Variants in SNX29 observed in about 807,000 individuals in gnomAD.
The protein encoded by SNX29 is sorting nexin-29.
Under a neutral mutation model 102.1 loss-of-function variants are expected in SNX29, and 78 were observed. The ratio of observed to expected loss-of-function variants is 0.76; its 90% CI spans 0.64 to 0.92. The LOEUF is 0.92. Ranked by LOEUF, SNX29 falls within the 40% of genes least tolerant of loss-of-function variation. The pLI is 0.00. For synonymous variants in SNX29, 580 were observed against 414.5 expected (o/e 1.40, Z -4.85); for missense variants, 1,280 against 1,061.7 (o/e 1.21, Z -2.86).
At chr16:12,333,168 C>T (rs983730835) in intron 15 of SNX29, among the ~76,000 whole-genome samples, 6 of 138,398 alleles carry the variant, frequency 4.3e-5, no homozygotes, top group Non-Finnish European at 7.5e-5. Flanking sequence ...TGCAGTGGTG[C>T]GATCTTGGCT....
intron 15 of SNX29, among the ~76,000 whole-genome samples, chr16:12,355,469 G>A (rs568252648): frequency 6.6e-5 from 10 of 152,310 alleles, no homozygotes; most frequent in African/African-American, 2.4e-4. Context: ...AGGTTAGGGA[G>A]CTAGGGGTCT....
chr16:11,983,087 C>T (rs540866982), intron 1 of SNX29, among the ~76,000 whole-genome samples: 118 of 152,056 alleles, frequency 7.8e-4, no homozygotes, highest in Non-Finnish European at 6.9e-4. Context: ...TGCACCACCA[C>T]GCCTGGCTAA....
chr16:12,271,050 TCAATAAATA>T (rs2079078406), intron 14 of SNX29, among the ~76,000 whole-genome samples: 1 of 151,984 alleles, frequency 6.6e-6, no homozygotes. Context: ...AAAAAATCAA[TCAATAAATA>T]AAGTGGTCTC....
At chr16:12,141,053 T>C (rs1464706625) in intron 13 of SNX29, among the ~76,000 whole-genome samples, 1 of 152,228 alleles carries the variant, frequency 6.6e-6, no homozygotes, top group Non-Finnish European at 1.5e-5. Context: ...TGACGCTAAG[T>C]GCTTGCACCT....
At chr16:12,200,902 T>C (rs544359791) in intron 14 of SNX29, among the ~76,000 whole-genome samples, 3 of 152,310 alleles carry the variant, frequency 2.0e-5, no homozygotes, top group Non-Finnish European at 4.4e-5. Context: ...CATGAGAGCA[T>C]TGTGAGGATT....
In SNX29 at chr16:12,052,133, C is replaced by G; in HGVS notation, c.1035C>G (p.Ile345Met). 1.2e-6 allele frequency: 2 copies of G among 1,613,720 alleles called. 1 individual carries two copies. Among genetic ancestry groups the G allele is most frequent in the South Asian group, 2.2e-5 (2 of 91,050 alleles). Reference sequence around the variant, plus strand: ...ACCAGAAGCTTGATGTGAAAAGCATCGATGATGAAGATGTGGATGAAAACG... The same window carrying G: ...ACCAGAAGCTTGATGTGAAAAGCATGGATGATGAAGATGTGGATGAAAACG... ...FGYQKLDVKSIDDEDVDENED... is the reference protein window; with the variant it reads ...FGYQKLDVKSMDDEDVDENED... The change falls in exon 8 of 21, where the codon ATC becomes ATG. Residue 345 changes from isoleucine to methionine, a missense_variant. Coordinates refer to ENST00000566228, the MANE Select transcript of SNX29 (RefSeq NM_032167.5).
At chr16:12,236,062 C>T (rs1164245664) in intron 14 of SNX29, among the ~76,000 whole-genome samples, 1 of 152,154 alleles carries the variant, frequency 6.6e-6, no homozygotes, top group Non-Finnish European at 1.5e-5. Context: ...ATATATGCTG[C>T]TCCTGGTTGC....
At chr16:12,296,427 AT>A in intron 15 of SNX29, among the ~76,000 whole-genome samples, 1 of 152,332 alleles carries the variant, frequency 6.6e-6, no homozygotes, top group East Asian at 1.9e-4. Flanking sequence ...AATTATAACA[AT>A]TTGTTTTTGG....
chr16:12,061,480 G>A lies in SNX29; in HGVS notation c.1125-48G>A, dbSNP rs150356674. 8.1e-6 allele frequency: 12 copies of A among 1,482,986 alleles called. No individual in the cohort carries two copies. In the African/African-American group the frequency reaches 9.7e-5, roughly 12 times the overall value. 91.9% of individuals were successfully genotyped at this position (1,482,986 alleles called of 1,614,324 possible). A position where few individuals can be genotyped will look rare whatever the true frequency, so the allele number is the denominator to read the frequency against. On this transcript the variant is annotated intron_variant, in intron 8 of 20. Coordinates refer to ENST00000566228, the MANE Select transcript of SNX29 (RefSeq NM_032167.5). Reference sequence around the variant, plus strand: ...TGGATGCTTGTTGGTGAGTCATGCGGCCTGTGGGCTCTTTGGCCTGTCCTG... The same window carrying A: ...TGGATGCTTGTTGGTGAGTCATGCGACCTGTGGGCTCTTTGGCCTGTCCTG...
intron 15 of SNX29, among the ~76,000 whole-genome samples, chr16:12,337,405 G>T (rs1030704293): frequency 2.0e-5 from 3 of 152,060 alleles, no homozygotes; most frequent in Admixed American, 6.6e-5. Flanking sequence ...GCAGTGGTGC[G>T]ATCTCGGTTC....
At chr16:12,010,238 G>T (rs953365392) in intron 3 of SNX29, among the ~76,000 whole-genome samples, 2 of 152,164 alleles carry the variant, frequency 1.3e-5, no homozygotes, top group Non-Finnish European at 2.9e-5. Flanking sequence ...TTTGACACTT[G>T]GTAGACATTT....
At chr16:12,363,175 C>T (rs1164919546) in intron 16 of SNX29, among the ~76,000 whole-genome samples, 1 of 152,214 alleles carries the variant, frequency 6.6e-6, no homozygotes, top group Non-Finnish European at 1.5e-5. Flanking sequence ...TGGACCGGGT[C>T]CCCAGGGGAT....
chr16:12,381,266 T>C (rs1597162612), intron 16 of SNX29, among the ~76,000 whole-genome samples: 1 of 71,458 alleles, frequency 1.4e-5, no homozygotes, highest in Admixed American at 1.7e-4. Flanking sequence ...CCACCATCCA[T>C]CCACGCATCT....
intron 13 of SNX29, among the ~76,000 whole-genome samples, chr16:12,144,599 C>T (rs1015534865): frequency 3.9e-5 from 6 of 152,234 alleles, no homozygotes; most frequent in Non-Finnish European, 8.8e-5. Flanking sequence ...CAGACGCCAG[C>T]CCCTTGATCG....
Position 12,338,851 on chromosome 16 carries a change from T to C in SNX29, c.1783-17312T>C, listed in dbSNP as rs541024196. Among the ~76,000 whole-genome samples the C allele has an allele frequency of 3.3e-5, 5 of 152,332 alleles. No individual in the cohort carries two copies. The East Asian group carries it at 9.7e-4, about 29-fold the overall frequency. On this transcript the variant is annotated intron_variant, in intron 15 of 20. Coordinates refer to ENST00000566228, the MANE Select transcript of SNX29 (RefSeq NM_032167.5). ...GGAATATTTATTGATTGAAAGAGGT[T>C]GAAAGAAACATGTTTAACAACATAT...
intron 19 of SNX29, among the ~76,000 whole-genome samples, chr16:12,514,906 GAGAAAGAAAGAGAGAA>G (rs1024306305): frequency 8.1e-4 from 119 of 146,636 alleles, no homozygotes; most frequent in African/African-American, 2.8e-3. Context: ...GAGAGGGAGA[GAGAAAGAAAGAGAGAA>G]AGAAAGAAAG....
chr16:12,364,176 ATG>A (rs2082386978), intron 16 of SNX29, among the ~76,000 whole-genome samples: 1 of 145,128 alleles, frequency 6.9e-6, no homozygotes. Flanking sequence ...ATGTTATGTT[ATG>A]TTATGTTATG....
rs536467536 is a variant in SNX29, at chr16:12,541,003, G to T, written c.2318+16162G>T. On this transcript the variant is annotated intron_variant, in intron 20 of 20. Coordinates refer to ENST00000566228, the MANE Select transcript of SNX29 (RefSeq NM_032167.5). The stretch of plus-strand genomic sequence containing the variant: ...AGGGGAAAAATGGTGAGCTCACTGC[G>T]GGTTTCCTGGGACAGCAACAACTGG... Among the ~76,000 whole-genome samples the T allele has an allele frequency of 5.9e-5, 9 of 152,156 alleles. 1 individual carries two copies. Among genetic ancestry groups the T allele is most frequent in the Non-Finnish European group, 7.4e-5 (5 of 68,018 alleles).
intron 13 of SNX29, among the ~76,000 whole-genome samples, chr16:12,189,970 T>G (rs932681821): frequency 6.6e-6 from 1 of 152,188 alleles, no homozygotes; most frequent in African/African-American, 2.4e-5. Flanking sequence ...CTTGACGTAT[T>G]TGTTATTCTC....
Sources: gnomAD v4.1 joint callset for allele counts (sites outside exome capture counted in the v4.1 genomes callset) on GRCh38, gnomAD v4.1.1 for gene constraint, MANE v1.5 for transcripts, NCBI Gene and HGNC (gene_info 2026-07-23, HGNC 2026-07-21) for gene names.